SDK1: variants seen among roughly 807,000 people sequenced by gnomAD.
SDK1 encodes the protein sidekick cell adhesion molecule 1.
Under a neutral mutation model 245.5 loss-of-function variants are expected in SDK1, and 157 were observed. That is an observed-to-expected ratio of 0.64 (90% CI 0.56 to 0.73). The LOEUF is 0.73. SDK1 is among the 30% of genes least tolerant of loss of function. The probability of loss-of-function intolerance (pLI) is 0.00; values close to 1 mark genes in which losing one functional copy is unlikely to be tolerated. For missense variants in SDK1, 3,583 were observed against 3,002.3 expected (o/e 1.19, Z -4.52); for synonymous variants, 1,647 against 1,278.5 (o/e 1.29, Z -6.15).
chr7:3,909,232 T>C (rs908594824), intron 5 of SDK1, among the ~76,000 whole-genome samples: 1 of 152,134 alleles, frequency 6.6e-6, no homozygotes, highest in Non-Finnish European at 1.5e-5. Flanking sequence ...CATTACGGAG[T>C]TCTGCTGTCC....
intron 2 of SDK1, among the ~76,000 whole-genome samples, chr7:3,629,372 A>G (rs1253197230): frequency 6.6e-6 from 1 of 152,108 alleles, no homozygotes; most frequent in Non-Finnish European, 1.5e-5. Context: ...AATCCTCCAG[A>G]GGGTCCCCCT....
intron 1 of SDK1, among the ~76,000 whole-genome samples, chr7:3,567,280 C>A (rs574725594): frequency 7.2e-5 from 11 of 152,204 alleles, no homozygotes; most frequent in African/African-American, 2.4e-4. Flanking sequence ...TCAGCGGCTT[C>A]GTGGGTTGTT....
At chr7:3,811,074 A>T (rs67200393) in intron 4 of SDK1, among the ~76,000 whole-genome samples, 7 of 152,106 alleles carry the variant, frequency 4.6e-5, no homozygotes. Flanking sequence ...CTTACTTGCC[A>T]GTCACATTCT....
intron 1 of SDK1, among the ~76,000 whole-genome samples, chr7:3,506,039 C>T (rs1782381286): frequency 6.6e-6 from 1 of 151,840 alleles, no homozygotes; most frequent in Admixed American, 6.6e-5. Flanking sequence ...GAAAAAAATT[C>T]ATTTGTAGAC....
intron 38 of SDK1, among the ~76,000 whole-genome samples, chr7:4,211,314 G>T (rs964931746): frequency 3.3e-5 from 5 of 152,240 alleles, no homozygotes; most frequent in Non-Finnish European, 5.9e-5. Context: ...AACGGAAGGT[G>T]GAATGCAGAT....
At chr7:3,894,361 C>T (rs1781541647) in intron 5 of SDK1, among the ~76,000 whole-genome samples, 1 of 151,382 alleles carries the variant, frequency 6.6e-6, no homozygotes, top group Non-Finnish European at 1.5e-5. Context: ...CTGGCGACTA[C>T]AATGTTTGAG....
At chr7:3,620,945 A>G (rs1455742880) in intron 2 of SDK1, among the ~76,000 whole-genome samples, 2 of 152,162 alleles carry the variant, frequency 1.3e-5, no homozygotes, top group South Asian at 2.1e-4. Context: ...GCATGTTGAA[A>G]TCAAACAGTC....
chr7:3,505,672 TA>T (rs1782369836), intron 1 of SDK1, among the ~76,000 whole-genome samples: 1 of 152,220 alleles, frequency 6.6e-6, no homozygotes, highest in Non-Finnish European at 1.5e-5. Flanking sequence ...TTTTTTTCAA[TA>T]AATAAACTCG....
intron 44 of SDK1, among the ~76,000 whole-genome samples, chr7:4,247,368 G>A (rs1458465337): frequency 6.6e-6 from 1 of 152,220 alleles, no homozygotes; most frequent in Admixed American, 6.5e-5. Flanking sequence ...CTTGGGCTTG[G>A]CAGAAACAGC....
At chr7:3,647,681 C>A (rs987534212) in intron 4 of SDK1, among the ~76,000 whole-genome samples, 1 of 152,160 alleles carries the variant, frequency 6.6e-6, no homozygotes, top group African/African-American at 2.4e-5. Context: ...CCACCCGCCT[C>A]TGCCTCCCAA....
chr7:3,464,955 T>A (rs756688990), intron 1 of SDK1, among the ~76,000 whole-genome samples: 2 of 152,136 alleles, frequency 1.3e-5, no homozygotes, highest in Non-Finnish European at 2.9e-5. Context: ...CACTGAGTAG[T>A]TTTAAAATAA....
At chr7:3,320,849 A>G (rs1779785079) in intron 1 of SDK1, among the ~76,000 whole-genome samples, 3 of 152,296 alleles carry the variant, frequency 2.0e-5, no homozygotes, top group East Asian at 1.9e-4. Flanking sequence ...GGTATGTTTC[A>G]GGAATTGGAG....
At chr7:3,571,504 T>A (rs1471507403) in intron 1 of SDK1, among the ~76,000 whole-genome samples, 1 of 151,924 alleles carries the variant, frequency 6.6e-6, no homozygotes, top group African/African-American at 2.4e-5. Flanking sequence ...AGGGTCTTGC[T>A]GTGTTGCCCA....
At chr7:3,904,004 AC>A (rs1781880913) in intron 5 of SDK1, among the ~76,000 whole-genome samples, 1 of 152,098 alleles carries the variant, frequency 6.6e-6, no homozygotes, top group African/African-American at 2.4e-5. Flanking sequence ...TGAGGCCCTC[AC>A]CACATGCAGA....
intron 1 of SDK1, among the ~76,000 whole-genome samples, chr7:3,413,506 C>T (rs919564127): frequency 1.3e-5 from 2 of 152,002 alleles, no homozygotes; most frequent in African/African-American, 2.4e-5. Flanking sequence ...ACCAGCCTGG[C>T]CAACATAGTG....
intron 1 of SDK1, among the ~76,000 whole-genome samples, chr7:3,306,275 C>T (rs542888415): frequency 7.9e-5 from 12 of 152,262 alleles, no homozygotes; most frequent in African/African-American, 2.6e-4. Context: ...TCTACACATT[C>T]GTCTCCTCTA....
chr7:3,341,648 C>G (rs896207830), intron 1 of SDK1, among the ~76,000 whole-genome samples: 2 of 152,146 alleles, frequency 1.3e-5, no homozygotes, highest in Non-Finnish European at 2.9e-5. Context: ...TTTCTATACC[C>G]TAACAAAAAA....
At chr7:4,070,460 G>T (rs181487799) in intron 20 of SDK1, among the ~76,000 whole-genome samples, 1 of 152,312 alleles carries the variant, frequency 6.6e-6, no homozygotes, top group Admixed American at 6.5e-5. Flanking sequence ...TGAGTGTCCT[G>T]TGCATCCCTG....
chr7:3,421,760 G>C (rs143907384), intron 1 of SDK1, among the ~76,000 whole-genome samples: 1 of 152,296 alleles, frequency 6.6e-6, no homozygotes, highest in Non-Finnish European at 1.5e-5. Flanking sequence ...TAACTCCTCT[G>C]ATTTAGAGAT....
Sources: gnomAD v4.1 joint callset for allele counts (sites outside exome capture counted in the v4.1 genomes callset) on GRCh38, gnomAD v4.1.1 for gene constraint, MANE v1.5 for transcripts, NCBI Gene and HGNC (gene_info 2026-07-23, HGNC 2026-07-21) for gene names.